C1S: variants seen among roughly 807,000 people sequenced by gnomAD.
The protein encoded by C1S is complement C1s.
In C1S, 31 loss-of-function variants were observed where a neutral mutation model predicts 54.0. The ratio of observed to expected loss-of-function variants is 0.57; its 90% CI spans 0.43 to 0.78. The LOEUF is 0.78. Among genes scored for constraint, C1S ranks in the 30% least tolerant of loss-of-function variants. The probability of loss-of-function intolerance (pLI) is 0.00; values close to 1 mark genes in which losing one functional copy is unlikely to be tolerated. For missense variants in C1S, 727 were observed against 851.8 expected (o/e 0.85, Z 1.82); for synonymous variants, 292 against 303.6 (o/e 0.96, Z 0.40).
In C1S at chr12:7,070,810, G is replaced by C. The variant is rs1937837314; in HGVS notation, c.*159G>C. The C allele has an allele frequency of 1.4e-6, 1 of 709,124 alleles. No individual in the cohort carries two copies. Among genetic ancestry groups the C allele is most frequent in the African/African-American group, 1.8e-5 (1 of 57,094 alleles). 43.9% of individuals were successfully genotyped at this position (709,124 alleles called of 1,614,324 possible). A position where few individuals can be genotyped will look rare whatever the true frequency, so the allele number is the denominator to read the frequency against. On this transcript the variant is annotated 3_prime_UTR_variant, in exon 12 of 12. Coordinates refer to ENST00000360817, the MANE Select transcript of C1S (RefSeq NM_001734.5). The surrounding 1 kb of genome is among the most constrained non-coding windows in gnomAD (Gnocchi z 4.9). Reference sequence around the variant, plus strand: ...AGACGCCTTGCTAGAGGTAGAGTTTGATCATAGAATTGTGCTGGTCATACA... The same window carrying C: ...AGACGCCTTGCTAGAGGTAGAGTTTCATCATAGAATTGTGCTGGTCATACA...
In C1S at chr12:7,070,709, C is replaced by A; in HGVS notation, c.*58C>A. The A allele has an allele frequency of 2.3e-6, 3 of 1,280,230 alleles. No homozygotes were observed. Among genetic ancestry groups the A allele is most frequent in the Non-Finnish European group, 3.4e-6 (3 of 878,442 alleles). The allele number at this position is 1,280,230 out of a possible 1,614,324, so 79.3% of individuals were successfully genotyped here. On this transcript the variant is annotated 3_prime_UTR_variant, in exon 12 of 12. Transcript: ENST00000360817. This position sits in a 1 kb window ranked among gnomAD's most constrained non-coding sequence, Gnocchi z 4.9. Reference sequence around the variant, plus strand: ...GGTGACCAATGCATTACCTTCTGTTCCTTATGATATTCTCATTATTTCATC... The same window carrying A: ...GGTGACCAATGCATTACCTTCTGTTACTTATGATATTCTCATTATTTCATC...
At position 7,062,674 on chromosome 12, in the gene C1S, T is replaced by A; in HGVS notation, c.205T>A (p.Ser69Thr). ...GCTGTCAGAGAACTGTGCGTATGACTCAGTGCAGGTATGTTATAAGCACAA... is the reference window on the plus strand; with the variant it reads ...GCTGTCAGAGAACTGTGCGTATGACACAGTGCAGGTATGTTATAAGCACAA... ...IELSENCAYD[S>T]VQIISGDTEE... Residue 69 changes from serine (S) to threonine (T), a missense_variant, in exon 3 of 12, where the codon TCA becomes ACA. Around this residue, in one of 3 missense-constraint regions of C1S, gnomAD observed 357 missense variants for 365.4 expected, o/e 0.98. Transcript: ENST00000360817. 6.2e-7 allele frequency: 1 copy of A among 1,613,000 alleles called. No individual in the cohort carries two copies. Among genetic ancestry groups the A allele is most frequent in the Non-Finnish European group, 8.5e-7 (1 of 1,179,210 alleles).
chr12:7,067,516 G>A (rs781912451), intron 9 of C1S, 127 bp from the exon 10 acceptor site: 1 of 1,037,234 alleles, frequency 9.6e-7, no homozygotes, highest in Non-Finnish European at 1.5e-6. Context: ...GGCTGGTGTG[G>A]GGAGGTTCAT....
rs886040975 is a variant in C1S, at chr12:7,066,526, T to C, written c.880T>C (p.Cys294Arg). 1 of 1,604,824 alleles carries C rather than the reference T, an allele frequency of 6.2e-7. No homozygotes were observed. Among genetic ancestry groups the C allele is most frequent in the East Asian group, 2.2e-5 (1 of 44,836 alleles). The change falls in exon 8 of 12, where the codon TGC becomes CGC. Residue 294 changes from cysteine (C) to arginine (R), a missense_variant. Physicochemically the swap from Cys to Arg is radical, Grantham distance 180. Coordinates refer to ENST00000360817, the MANE Select transcript of C1S (RefSeq NM_001734.5). ...KLRYHGDPMP[C>R]PKEDTPNSVW... ...ACTTCTGTTCTTTCAAGCAATGCCC[T>C]GCCCTAAGGAAGACACTCCCAATTC...
Position 7,065,232 on chromosome 12 carries a change from C to A in C1S, c.650C>A (p.Thr217Asn), listed in dbSNP as rs782489860. Residue 217 changes from threonine (T) to asparagine (N), a missense_variant, in exon 6 of 12, where the codon ACC becomes AAC. Thr to Asn is a moderately conservative substitution (Grantham distance 65). Coordinates refer to ENST00000360817, the MANE Select transcript of C1S (RefSeq NM_001734.5). ...GAGAAAGGGTTCCAAGTGGTGGTGA[C>A]CTTGCGGAGAGAAGATTTTGATGTG... ...RLEKGFQVVVTLRREDFDVEA... is the reference protein window; with the variant it reads ...RLEKGFQVVVNLRREDFDVEA... 9.9e-6 allele frequency: 16 copies of A among 1,613,944 alleles called. No individual in the cohort carries two copies. Among genetic ancestry groups the A allele is most frequent in the Non-Finnish European group, 1.4e-5 (16 of 1,179,960 alleles).
At chr12:7,066,333 G>T in intron 7 of C1S, 185 bp from the exon 8 acceptor site, 1 of 671,452 alleles carries the variant, frequency 1.5e-6, no homozygotes, top group Non-Finnish European at 2.7e-6. Context: ...TGAGACTGCA[G>T]ACAGCTTGCG....
intron 10 of C1S, 86 bp downstream of exon 10, chr12:7,067,857 T>C: frequency 7.3e-7 from 1 of 1,379,288 alleles, no homozygotes. Context: ...AGACAGAGTT[T>C]GGAGACAAAT....
Position 7,070,073 on chromosome 12 carries a change from C to T in C1S, c.1489C>T (p.Leu497=), listed in dbSNP as rs782234105. The change falls in exon 12 of 12, where the codon CTG becomes TTG. Residue 497 remains leucine, a synonymous_variant. Coordinates refer to ENST00000360817, the MANE Select transcript of C1S (RefSeq NM_001734.5). The surrounding 1 kb of genome is among the most constrained non-coding windows in gnomAD (Gnocchi z 4.9). The part of the protein sequence containing the change: ...VGSTSVQTSR[L]AKSKMLTPEH... ...GTCCACCTCAGTGCAGACCTCACGGCTGGCAAAATCCAAGATGCTCACTCC... is the reference window on the plus strand; with the variant it reads ...GTCCACCTCAGTGCAGACCTCACGGTTGGCAAAATCCAAGATGCTCACTCC... The T allele has an allele frequency of 2.5e-5, 40 of 1,614,042 alleles. No individual in the cohort carries two copies. Among genetic ancestry groups the T allele is most frequent in the Admixed American group, 1.5e-4 (9 of 60,012 alleles).
At chr12:7,067,613 G>T in intron 9 of C1S, 30 bp from the exon 10 acceptor site, 2 of 1,612,926 alleles carry the variant, frequency 1.2e-6, no homozygotes, top group South Asian at 2.2e-5. Context: ...TGGCTGTCCT[G>T]ACCATCGCTC....
chr12:7,068,578 G>C, intron 11 of C1S, 48 bp downstream of exon 11: 3 of 1,264,732 alleles, frequency 2.4e-6, no homozygotes, highest in Non-Finnish European at 3.5e-6. Context: ...TGGGTGACTG[G>C]GAGTCACCTT....
chr12:7,061,972 A>G, intron 2 of C1S, 55 bp downstream of exon 2: 1 of 1,580,804 alleles, frequency 6.3e-7, no homozygotes, highest in East Asian at 2.2e-5. Flanking sequence ...TCATCTTCTC[A>G]AGAAAAGCGC....
In C1S at chr12:7,062,568, C is replaced by T; in HGVS notation, c.99C>T (p.Pro33=). ...ILSPNYPQAY[P]SEVEKSWDIE... ...CCCCTAACTATCCTCAGGCATATCC[C>T]AGTGAGGTAGAGAAATCTTGGGACA... Residue 33 remains proline, a synonymous_variant, in exon 3 of 12, where the codon CCC becomes CCT. Transcript: ENST00000360817. The T allele has an allele frequency of 6.2e-7, 1 of 1,613,728 alleles. No individual in the cohort carries two copies. Among genetic ancestry groups the T allele is most frequent in the Non-Finnish European group, 8.5e-7 (1 of 1,179,654 alleles).
intron 2 of C1S, chr12:7,062,236 A>G: frequency 1.8e-6 from 1 of 562,576 alleles, no homozygotes; most frequent in Non-Finnish European, 3.1e-6. Flanking sequence ...GCACCACTGC[A>G]CTCCAGCCTG....
In C1S at chr12:7,070,113, T is replaced by C; in HGVS notation, c.1529T>C (p.Ile510Thr). 6.2e-7 allele frequency: 1 copy of C among 1,614,172 alleles called. No homozygotes were observed. Among genetic ancestry groups the C allele is most frequent in the Non-Finnish European group, 8.5e-7 (1 of 1,180,024 alleles). The stretch of plus-strand genomic sequence containing the variant: ...ATGCTCACTCCTGAGCATGTGTTTA[T>C]TCATCCGGGATGGAAGCTGCTGGAA... ...SKMLTPEHVFIHPGWKLLEVP... is the reference protein window; with the variant it reads ...SKMLTPEHVFTHPGWKLLEVP... Residue 510 changes from isoleucine (I) to threonine (T), a missense_variant, in exon 12 of 12, where the codon ATT becomes ACT. Transcript: ENST00000360817. The surrounding 1 kb of genome is among the most constrained non-coding windows in gnomAD (Gnocchi z 4.9).
chr12:7,067,250 A>G (rs1937691778), intron 9 of C1S, 133 bp downstream of exon 9: 2 of 730,802 alleles, frequency 2.7e-6, no homozygotes, highest in Admixed American at 2.0e-5. Context: ...AAGGGAAGCC[A>G]GTCATGGAAG....
Position 7,069,861 on chromosome 12 carries a change from G to A in C1S, c.1277G>A (p.Gly426Glu). ...PELPKCVPVC[G>E]VPREPFEEKQ... ...TTGTTTTATTCCTTCCTAGTCTGTG[G>A]AGTCCCCAGAGAACCCTTTGAAGAA... Residue 426 changes from glycine (G) to glutamate (E), a missense_variant, in exon 12 of 12, where the codon GGA (glycine) becomes GAA (glutamate). By Grantham distance (98) the Gly-to-Glu change is moderately conservative. This residue lies in a region of C1S where 360 missense variants were observed against 453.6 expected (regional missense o/e 0.79). Coordinates refer to ENST00000360817, the MANE Select transcript of C1S (RefSeq NM_001734.5). 6.2e-7 allele frequency: 1 copy of A among 1,613,496 alleles called. No individual in the cohort carries two copies. The highest frequency in any genetic ancestry group is 2.2e-5 in the East Asian group (1 of 44,880).
intron 4 of C1S, 76 bp from the exon 5 acceptor site, chr12:7,064,191 T>C (rs1423291926): frequency 7.9e-6 from 12 of 1,517,660 alleles, no homozygotes; most frequent in African/African-American, 4.1e-5. Flanking sequence ...TTTCTTACCC[T>C]TATGGTTTTG....
In C1S at chr12:7,070,452, A is replaced by C; in HGVS notation, c.1868A>C (p.Lys623Thr). The C allele has an allele frequency of 6.2e-7, 1 of 1,614,252 alleles. No homozygotes were observed. The highest frequency in any genetic ancestry group is 8.5e-7 in the Non-Finnish European group (1 of 1,180,054). The change falls in exon 12 of 12, where the codon AAG becomes ACG. Residue 623 changes from lysine (K) to threonine (T), a missense_variant. Lys to Thr is a moderately conservative substitution (Grantham distance 78). Coordinates refer to ENST00000360817, the MANE Select transcript of C1S (RefSeq NM_001734.5). This position sits in a 1 kb window ranked among gnomAD's most constrained non-coding sequence, Gnocchi z 4.9. The stretch of plus-strand genomic sequence containing the variant: ...AACATGATCTGTGCTGGAGGAGAGA[A>C]GGGCATGGATAGCTGTAAAGGGGAC... ...TPNMICAGGEKGMDSCKGDSG... is the reference protein window; with the variant it reads ...TPNMICAGGETGMDSCKGDSG...
At chr12:7,066,873 T>C (rs965813370) in intron 8 of C1S, 166 bp from the exon 9 acceptor site, 2 of 717,432 alleles carry the variant, frequency 2.8e-6, no homozygotes, top group African/African-American at 3.5e-5. Context: ...GGGGCAAAGC[T>C]TTCTGTCAGC....
Sources: allele counts gnomAD v4.1 joint callset, GRCh38; gene constraint gnomAD v4.1.1; regional missense constraint gnomAD v4.1.1; non-coding constraint Gnocchi (gnomAD v3.1); transcripts MANE v1.5; gene names NCBI Gene and HGNC (gene_info 2026-07-23, HGNC 2026-07-21).